The following LAMA2 variants were observed in gnomAD, a reference collection of about 807,000 sequenced individuals.
The protein encoded by LAMA2 is laminin subunit alpha 2, also known as laminin subunit alpha-2.
LAMA2 carries 269 observed loss-of-function variants against 364.8 expected under a neutral mutation model. The observed-to-expected ratio is 0.74, with a 90% CI of 0.67 to 0.82. The LOEUF is 0.82. Among genes scored for constraint, LAMA2 ranks in the 40% least tolerant of loss-of-function variants. The probability of loss-of-function intolerance (pLI) is 0.00; values close to 1 mark genes in which losing one functional copy is unlikely to be tolerated. For synonymous variants in LAMA2, 1,379 were observed against 1,370.6 expected, an observed-to-expected ratio of 1.01 and a Z score of -0.14; for missense variants, 3,807 against 3,873.2, an observed-to-expected ratio of 0.98 and a Z score of 0.45.
At chr6:129,059,945 C>A (rs1788781886) in intron 3 of LAMA2, 49 bp downstream of exon 3, 2 of 1,008,336 alleles carry the variant, frequency 2.0e-6, no homozygotes, top group Non-Finnish European at 3.2e-6. Flanking sequence ...TTGCATTTTA[C>A]ATTTGCTATT....
chr6:129,261,901 TC>T (rs2114324927), intron 15 of LAMA2, among the ~76,000 whole-genome samples: 1 of 152,256 alleles, frequency 6.6e-6, no homozygotes, highest in African/African-American at 2.4e-5. Flanking sequence ...ATTAGCTATG[TC>T]AACCCAAATT....
chr6:129,083,005 AT>A (rs1415357082), intron 3 of LAMA2, among the ~76,000 whole-genome samples: 7 of 151,790 alleles, frequency 4.6e-5, no homozygotes, highest in East Asian at 1.9e-4. Flanking sequence ...ATAGATTCTG[AT>A]TTTTTTATCT....
chr6:129,258,648 T>C (rs962529953), intron 14 of LAMA2, among the ~76,000 whole-genome samples: 3 of 152,072 alleles, frequency 2.0e-5, no homozygotes, highest in Admixed American at 2.0e-4. Flanking sequence ...ATTTATTTTT[T>C]AAATTTTAAA....
At chr6:129,229,916 C>G in intron 12 of LAMA2, among the ~76,000 whole-genome samples, 1 of 151,968 alleles carries the variant, frequency 6.6e-6, no homozygotes, top group East Asian at 1.9e-4. Flanking sequence ...GTTAGAGATG[C>G]CTATTATATA....
At chr6:129,292,726 TATC>T in intron 20 of LAMA2, 1 of 869,904 alleles carries the variant, frequency 1.1e-6, no homozygotes, top group Non-Finnish European at 1.4e-6. Context: ...AGTTTGAAAA[TATC>T]ATCTGCTTCT....
chr6:129,194,002 A>C (rs1781691030), intron 12 of LAMA2, among the ~76,000 whole-genome samples: 1 of 152,198 alleles, frequency 6.6e-6, no homozygotes. Flanking sequence ...CATGTATTTT[A>C]AGAGACAGAG....
chr6:129,195,050 T>C (rs1003853184), intron 12 of LAMA2, among the ~76,000 whole-genome samples: 1 of 152,206 alleles, frequency 6.6e-6, no homozygotes, highest in Non-Finnish European at 1.5e-5. Flanking sequence ...TTGAATTTTA[T>C]TTACATCCAT....
At chr6:128,978,562 T>A (rs1782671802) in intron 1 of LAMA2, among the ~76,000 whole-genome samples, 1 of 152,042 alleles carries the variant, frequency 6.6e-6, no homozygotes, top group South Asian at 2.1e-4. Flanking sequence ...ATGATCTGCA[T>A]GCCTGAGCCT....
chr6:129,069,877 C>A (rs1773199303), intron 3 of LAMA2, among the ~76,000 whole-genome samples: 1 of 149,314 alleles, frequency 6.7e-6, no homozygotes. Context: ...AATGTATTAG[C>A]TATATGTATT....
At chr6:129,516,152 C>T in intron 64 of LAMA2, 38 bp from the exon 65 acceptor site, 6 of 1,609,534 alleles carry the variant, frequency 3.7e-6, no homozygotes, top group Non-Finnish European at 5.1e-6. Flanking sequence ...TGGTGCAGGA[C>T]ATTTCAAAGC....
intron 34 of LAMA2, among the ~76,000 whole-genome samples, chr6:129,375,127 G>A (rs1778300226): frequency 6.6e-6 from 1 of 151,948 alleles, no homozygotes; most frequent in African/African-American, 2.4e-5. Context: ...TATTTAAAAT[G>A]TATTTTGATA....
At chr6:129,222,495 C>A (rs905882549) in intron 12 of LAMA2, among the ~76,000 whole-genome samples, 1 of 111,464 alleles carries the variant, frequency 9.0e-6, no homozygotes, top group African/African-American at 3.4e-5. Context: ...CTCCCCCCTC[C>A]CCCCACCCTA....
chr6:129,255,486 C>A (rs1162271934), intron 14 of LAMA2, among the ~76,000 whole-genome samples: 3 of 149,836 alleles, frequency 2.0e-5, no homozygotes, highest in Non-Finnish European at 4.4e-5. Context: ...AACAGTCACC[C>A]AGGCCTGTAG....
intron 1 of LAMA2, among the ~76,000 whole-genome samples, chr6:129,032,230 G>A (rs894337330): frequency 6.6e-6 from 1 of 152,210 alleles, no homozygotes; most frequent in Non-Finnish European, 1.5e-5. Flanking sequence ...CTCCCATCAT[G>A]AAGCTTACGT....
chr6:129,055,158 T>C (rs1426485460), intron 2 of LAMA2, among the ~76,000 whole-genome samples: 4 of 102,648 alleles, frequency 3.9e-5, no homozygotes, highest in Admixed American at 3.5e-4. Flanking sequence ...AGTCTGGATT[T>C]ACTTTACATT....
At chr6:129,398,744 G>A (rs1161818767) in intron 37 of LAMA2, among the ~76,000 whole-genome samples, 1 of 151,878 alleles carries the variant, frequency 6.6e-6, no homozygotes, top group African/African-American at 2.4e-5. Context: ...AAAGTGCTGG[G>A]ATAACAGGCA....
intron 1 of LAMA2, among the ~76,000 whole-genome samples, chr6:129,004,507 C>G (rs914441538): frequency 6.6e-6 from 1 of 150,688 alleles, no homozygotes; most frequent in African/African-American, 2.4e-5. Flanking sequence ...CCTATATGTA[C>G]TTCTGGGAAA....
At chr6:129,340,830 C>CAAAAAAAAAAAAAAAAAAAAAGAAA (rs1776221504) in intron 29 of LAMA2, among the ~76,000 whole-genome samples, 1 of 59,584 alleles carries the variant, frequency 1.7e-5, no homozygotes, top group Non-Finnish European at 3.6e-5. Flanking sequence ...AGCTCTGTCT[C>CAAAAAAAAAAAAAAAAAAAAAGAAA]AAAAAAAAAA....
chr6:129,204,898 A>C (rs964493679), intron 12 of LAMA2, among the ~76,000 whole-genome samples: 1 of 152,218 alleles, frequency 6.6e-6, no homozygotes, highest in Non-Finnish European at 1.5e-5. Flanking sequence ...AGAGAAGGAA[A>C]TTTAAATGGC....
Sources: gnomAD v4.1 joint callset for allele counts (sites outside exome capture counted in the v4.1 genomes callset) on GRCh38, gnomAD v4.1.1 for gene constraint, MANE v1.5 for transcripts, NCBI Gene and HGNC (gene_info 2026-07-23, HGNC 2026-07-21) for gene names.